The following KLF12 variants were observed in gnomAD, a reference collection of about 807,000 sequenced individuals.
KLF12 encodes the protein KLF transcription factor 12, also known as Krueppel-like factor 12.
In KLF12, 9 loss-of-function variants were observed where a neutral mutation model predicts 37.8. The observed-to-expected ratio is 0.24, with a 90% CI of 0.14 to 0.42. KLF12 has a LOEUF of 0.42. Ranked by LOEUF, KLF12 falls within the 10% of genes least tolerant of loss-of-function variation. The pLI is 1.00. For synonymous variants in KLF12, 208 were observed against 202.1 expected (o/e 1.03, Z -0.25); for missense variants, 411 against 516.0 (o/e 0.80, Z 1.97).
chr13:73,769,412 A>G (rs1594069778), intron 5 of KLF12, among the ~76,000 whole-genome samples: 1 of 152,214 alleles, frequency 6.6e-6, no homozygotes, highest in East Asian at 1.9e-4. Flanking sequence ...TTCTTTACTC[A>G]GCAGCCAAGA....
intron 3 of KLF12, among the ~76,000 whole-genome samples, chr13:73,854,316 T>C (rs1003653506): frequency 3.3e-5 from 5 of 152,194 alleles, no homozygotes; most frequent in African/African-American, 1.2e-4. Context: ...CAATAATGTT[T>C]ATCATCCTCG....
chr13:74,053,719 G>T (rs1391251467), intron 1 of KLF12, among the ~76,000 whole-genome samples: 1 of 152,130 alleles, frequency 6.6e-6, no homozygotes, highest in African/African-American at 2.4e-5. Context: ...AGAATGAATG[G>T]TTGCAAGCTT....
At chr13:73,755,767 C>T (rs1180573008) in intron 6 of KLF12, among the ~76,000 whole-genome samples, 7 of 151,990 alleles carry the variant, frequency 4.6e-5, no homozygotes, top group Non-Finnish European at 8.8e-5. Flanking sequence ...ACCCTTTCCC[C>T]CAAGTCCCCA....
intron 6 of KLF12, among the ~76,000 whole-genome samples, chr13:73,759,544 G>A (rs576389281): frequency 6.6e-6 from 1 of 152,228 alleles, no homozygotes; most frequent in East Asian, 1.9e-4. Flanking sequence ...GAATTTCCCA[G>A]GCAAAAGCCT....
chr13:73,689,694 T>C lies in KLF12; in HGVS notation c.*5796A>G, dbSNP rs1443756660. On this transcript the variant is annotated 3_prime_UTR_variant, in exon 8 of 8. Transcript: ENST00000377669. The stretch of plus-strand genomic sequence containing the variant: ...GGAGAAATGATTCTGTCAATATTCA[T>C]TCCAAAATGATTCTTAAGATGATAA... 1 of 152,142 alleles carries C rather than the reference T, an allele frequency of 6.6e-6. No individual in the cohort carries two copies. The highest frequency in any genetic ancestry group is 1.5e-5 in the Non-Finnish European group (1 of 68,008). 9.4% of individuals were successfully genotyped at this position (152,142 alleles called of 1,614,324 possible). A position where few individuals can be genotyped will look rare whatever the true frequency, so the allele number is the denominator to read the frequency against.
chr13:73,926,410 T>C (rs751574926), intron 3 of KLF12, among the ~76,000 whole-genome samples: 10 of 152,186 alleles, frequency 6.6e-5, no homozygotes, highest in Non-Finnish European at 1.2e-4. Flanking sequence ...AAAATTAAGG[T>C]ATATACATTG....
chr13:74,088,351 C>A (rs1875444423), intron 1 of KLF12, among the ~76,000 whole-genome samples: 1 of 151,936 alleles, frequency 6.6e-6, no homozygotes, highest in Admixed American at 6.6e-5. Context: ...CCACAGCCTC[C>A]CAAGTCTCTG....
At chr13:73,908,541 C>T (rs940696531) in intron 3 of KLF12, among the ~76,000 whole-genome samples, 5 of 150,458 alleles carry the variant, frequency 3.3e-5, no homozygotes, top group Admixed American at 1.3e-4. Flanking sequence ...AGTGTGATGG[C>T]ATGATCTCGG....
chr13:74,159,005 G>A, the KLF12 span, among the ~76,000 whole-genome samples: 1 of 152,292 alleles, frequency 6.6e-6, no homozygotes, highest in African/African-American at 2.4e-5. Context: ...TAGTCAGAGG[G>A]ACTGGAAAAT....
In KLF12 at chr13:73,845,835, T is replaced by C. The variant is rs1884980895; in HGVS notation, c.662A>G (p.His221Arg). The C allele has an allele frequency of 6.2e-7, 1 of 1,612,822 alleles. No individual in the cohort carries two copies. Among genetic ancestry groups the C allele is most frequent in the African/African-American group, 1.3e-5 (1 of 75,022 alleles). ...TTGTTTATGTCTCTTACCTTTGCCA[T>C]GGCCTCTCCCATCCTCCAAAAGCGG... The change falls in exon 4 of 8, where the codon CAT becomes CGT. Residue 221 changes from histidine to arginine, a missense_variant. By Grantham distance (29) the His-to-Arg change is conservative (BLOSUM62 0). Around this residue, in one of 2 missense-constraint regions of KLF12, gnomAD observed 351 missense variants for 397.8 expected, o/e 0.88. Transcript: ENST00000377669.
the KLF12 span, among the ~76,000 whole-genome samples, chr13:74,275,878 C>CTTTCTTCT: frequency 3.4e-4 from 18 of 52,986 alleles, no homozygotes; most frequent in Admixed American, 9.5e-4. Flanking sequence ...ATCTTTCTTT[C>CTTTCTTCT]TTCTTTCTTT....
At chr13:73,884,657 T>C (rs1659134848) in intron 3 of KLF12, among the ~76,000 whole-genome samples, 1 of 152,224 alleles carries the variant, frequency 6.6e-6, no homozygotes, top group African/African-American at 2.4e-5. Flanking sequence ...TGCTGTCCCA[T>C]ATGGCAGCCA....
chr13:74,223,906 A>G, the KLF12 span, among the ~76,000 whole-genome samples: 1 of 152,074 alleles, frequency 6.6e-6, no homozygotes, highest in Non-Finnish European at 1.5e-5. Context: ...ACTTTCCTAT[A>G]TTTTGCCATT....
chr13:73,964,868 G>A (rs1360907398), intron 2 of KLF12, among the ~76,000 whole-genome samples: 1 of 152,150 alleles, frequency 6.6e-6, no homozygotes, highest in Non-Finnish European at 1.5e-5. Flanking sequence ...GCACATTAAA[G>A]AGAATCTGAC....
intron 1 of KLF12, among the ~76,000 whole-genome samples, chr13:74,052,402 CT>C (rs988401907): frequency 6.6e-6 from 1 of 151,938 alleles, no homozygotes; most frequent in Non-Finnish European, 1.5e-5. Context: ...AGCGTCTACT[CT>C]TTTTTTTAAG....
chr13:74,077,662 T>C (rs1255067949), intron 1 of KLF12, among the ~76,000 whole-genome samples: 1 of 152,232 alleles, frequency 6.6e-6, no homozygotes, highest in Non-Finnish European at 1.5e-5. Context: ...AAATTCATTC[T>C]GAGAATAAAC....
chr13:74,270,004 G>A, the KLF12 span, among the ~76,000 whole-genome samples: 1 of 152,146 alleles, frequency 6.6e-6, no homozygotes, highest in African/African-American at 2.4e-5. Flanking sequence ...GTTATGTCCT[G>A]AGACAACCAT....
intron 1 of KLF12, among the ~76,000 whole-genome samples, chr13:73,998,014 G>C (rs1403700324): frequency 6.6e-6 from 1 of 152,150 alleles, no homozygotes; most frequent in Non-Finnish European, 1.5e-5. Flanking sequence ...GCAAGCAATA[G>C]AGAATGATTT....
intron 7 of KLF12, among the ~76,000 whole-genome samples, chr13:73,714,518 GTGAA>G (rs1875650805): frequency 1.3e-5 from 2 of 152,172 alleles, no homozygotes; most frequent in African/African-American, 4.8e-5. Context: ...CCGGGAATGT[GTGAA>G]TGAATTTCCC....
Sources: gnomAD v4.1 joint callset for allele counts (sites outside exome capture counted in the v4.1 genomes callset) on GRCh38, gnomAD v4.1.1 for gene constraint, gnomAD v4.1.1 regional missense constraint, MANE v1.5 for transcripts, NCBI Gene and HGNC (gene_info 2026-07-23, HGNC 2026-07-21) for gene names.